Variants in GTF2I observed in about 807,000 individuals in gnomAD.
GTF2I encodes general transcription factor IIi.
A neutral mutation model predicts 67.6 loss-of-function variants in GTF2I; 12 were observed. That is an observed-to-expected ratio of 0.18 (90% CI 0.11 to 0.29). GTF2I has a LOEUF of 0.29. GTF2I is among the 10% of genes least tolerant of loss of function. The pLI is 1.00. For synonymous variants in GTF2I, 149 were observed against 197.0 expected (o/e 0.76, Z 2.04); for missense variants, 271 against 580.1 (o/e 0.47, Z 5.47).
intron 6 of GTF2I, among the ~76,000 whole-genome samples, chr7:74,704,268 T>TTTTATTTATTTA (rs55926323): frequency 0.58 from 83,286 of 144,094 alleles, 26,788 homozygotes; most frequent in East Asian, 0.84. Context: ...TAATTATTAT[T>TTTTATTTATTTA]TTTATTTATT....
At chr7:74,687,575 C>T (rs6964833) in intron 1 of GTF2I, 738,926 of 982,702 alleles carry the variant, frequency 0.75, 278,401 homozygotes, top group East Asian at 0.94. Context: ...TGCTTCGTTA[C>T]TTGTTGATGG....
intron 1 of GTF2I, among the ~76,000 whole-genome samples, chr7:74,660,065 A>C (rs1804332652): frequency 6.6e-6 from 1 of 151,554 alleles, no homozygotes; most frequent in African/African-American, 2.4e-5. Flanking sequence ...TGTGGCTGCT[A>C]CCTTGGCTTT....
At chr7:74,701,315 AC>A (rs1554399822) in intron 6 of GTF2I, among the ~76,000 whole-genome samples, 3 of 152,190 alleles carry the variant, frequency 2.0e-5, no homozygotes, top group Non-Finnish European at 4.4e-5. Context: ...ATACTTTTAA[AC>A]ATGTAACTAT....
intron 1 of GTF2I, among the ~76,000 whole-genome samples, chr7:74,664,946 G>GTT (rs1303200010): frequency 1.4e-5 from 2 of 142,738 alleles, no homozygotes; most frequent in Non-Finnish European, 3.1e-5. Context: ...CCTATTTTTT[G>GTT]TTTTTTTTTT....
intron 2 of GTF2I, 75 bp from the exon 3 acceptor site, chr7:74,690,898 T>G (rs1349197269): frequency 5.7e-6 from 8 of 1,403,292 alleles, no homozygotes; most frequent in Non-Finnish European, 7.9e-6. Flanking sequence ...TGTTGTTAGT[T>G]TTTTTAATTC....
At chr7:74,713,850 G>A (rs1791929356) in intron 9 of GTF2I, among the ~76,000 whole-genome samples, 1 of 152,130 alleles carries the variant, frequency 6.6e-6, no homozygotes, top group Non-Finnish European at 1.5e-5. Flanking sequence ...AGGAAGCAGT[G>A]GATCTAGCAT....
chr7:74,726,945 A>AGAT (rs1562979305), intron 12 of GTF2I: 128 of 133,420 alleles, frequency 9.6e-4, no homozygotes, highest in Non-Finnish European at 1.7e-3. Context: ...GATAGATAGA[A>AGAT]AGAATGAGAC....
rs587686795 is a variant in GTF2I, at chr7:74,682,699, C to CA, written c.-5-6424dup. Among the ~76,000 whole-genome samples, 18 of 152,234 alleles carry CA rather than the reference C, an allele frequency of 1.2e-4. No individual in the cohort carries two copies. The East Asian group carries it at 3.5e-3, about 29-fold the overall frequency. The stretch of plus-strand genomic sequence containing the variant: ...GGCATAGAAGGGAATAAGAACCATG[C>CA]ATAAGGGTAAGAACCACTGGGAACA... On this transcript the variant is annotated intron_variant, in intron 1 of 34. Coordinates refer to ENST00000573035, the MANE Select transcript of GTF2I (RefSeq NM_032999.4).
At chr7:74,693,535 G>A (rs1788569699) in intron 3 of GTF2I, among the ~76,000 whole-genome samples, 1 of 151,762 alleles carries the variant, frequency 6.6e-6, no homozygotes, top group Non-Finnish European at 1.5e-5. Context: ...GGCCTCCCTG[G>A]TCCCTGAGAC....
intron 8 of GTF2I, among the ~76,000 whole-genome samples, chr7:74,709,569 G>C (rs1173970862): frequency 1.3e-5 from 2 of 151,774 alleles, no homozygotes; most frequent in Admixed American, 6.6e-5. Flanking sequence ...TATGTGTAAG[G>C]TTCTTTAGCC....
At chr7:74,725,414 C>T (rs587702245) in intron 12 of GTF2I, among the ~76,000 whole-genome samples, 44 of 151,992 alleles carry the variant, frequency 2.9e-4, no homozygotes, top group African/African-American at 9.6e-4. Context: ...CAGCTGGGTG[C>T]GGTGGCTCAC....
intron 12 of GTF2I, chr7:74,727,277 T>A (rs1793967803): frequency 6.6e-6 from 1 of 152,212 alleles, no homozygotes; most frequent in South Asian, 2.1e-4. Flanking sequence ...TGGTGTCCAG[T>A]CGCCTTCTAG....
intron 1 of GTF2I, among the ~76,000 whole-genome samples, chr7:74,660,014 G>A (rs1456478247): frequency 2.0e-5 from 3 of 152,304 alleles, no homozygotes; most frequent in East Asian, 1.9e-4. Flanking sequence ...GAGGCCTGTG[G>A]TGTGGGATGA....
At chr7:74,681,825 T>C (rs1787298951) in intron 1 of GTF2I, among the ~76,000 whole-genome samples, 1 of 151,848 alleles carries the variant, frequency 6.6e-6, no homozygotes, top group African/African-American at 2.4e-5. Flanking sequence ...GGCAGGAGAA[T>C]CACTTGAACC....
rs113722323 is a variant in GTF2I, at chr7:74,678,417, T to A, written c.-5-10707T>A. On this transcript the variant is annotated intron_variant, in intron 1 of 34. Transcript: ENST00000573035. The stretch of plus-strand genomic sequence containing the variant: ...ATTGTCTGAATGCAAAACATTGAGT[T>A]AAGAAAGATACTGATTTTTGCAGTC... Among the ~76,000 whole-genome samples, 868 of 152,282 alleles carry A rather than the reference T, an allele frequency of 5.7e-3. 10 individuals carry two copies. Among genetic ancestry groups the A allele is most frequent in the African/African-American group, 0.02 (823 of 41,546 alleles).
intron 2 of GTF2I, among the ~76,000 whole-genome samples, chr7:74,689,745 C>T (rs587617496): frequency 2.7e-5 from 4 of 150,302 alleles, no homozygotes; most frequent in Non-Finnish European, 4.4e-5. Context: ...GACAGAGTTT[C>T]GCTCTTGTTG....
chr7:74,663,570 C>T (rs1554387440), intron 1 of GTF2I, among the ~76,000 whole-genome samples: 3 of 152,158 alleles, frequency 2.0e-5, no homozygotes, highest in African/African-American at 7.2e-5. Flanking sequence ...AGATTACAGG[C>T]GTGAGCCACT....
chr7:74,700,012 A>C (rs79633825), intron 4 of GTF2I: 14 of 442,580 alleles, frequency 3.2e-5, no homozygotes, highest in Admixed American at 7.3e-5. Flanking sequence ...TGCTCTCTCT[A>C]TGTGTTTTTT....
intron 18 of GTF2I, 86 bp from the exon 19 acceptor site, chr7:74,737,959 A>G: frequency 4.4e-6 from 1 of 226,130 alleles, no homozygotes; most frequent in Non-Finnish European, 8.2e-6. Context: ...CATATTTATA[A>G]CTAATTGGCA....
Sources: allele counts gnomAD v4.1 joint callset (sites outside exome capture counted in the v4.1 genomes callset), GRCh38; gene constraint gnomAD v4.1.1; transcripts MANE v1.5; gene names NCBI Gene and HGNC (gene_info 2026-07-23, HGNC 2026-07-21).